SCAMP1: variants seen among roughly 807,000 people sequenced by gnomAD.
The protein encoded by SCAMP1 is secretory carrier-associated membrane protein 1.
A neutral mutation model predicts 41.8 loss-of-function variants in SCAMP1; 15 were observed. That is an observed-to-expected ratio of 0.36 (90% CI 0.24 to 0.55). The LOEUF (loss-of-function observed/expected upper bound fraction) is 0.55, where lower values mean the gene tolerates loss of function less well. Ranked by LOEUF, SCAMP1 falls within the 20% of genes least tolerant of loss-of-function variation. The pLI is 0.86. For missense variants in SCAMP1, 341 were observed against 412.6 expected (o/e 0.83, Z 1.50); for synonymous variants, 135 against 136.8 (o/e 0.99, Z 0.09).
In SCAMP1 at chr5:78,396,367, TC is replaced by T. The variant is rs1349104377; in HGVS notation, c.135+7454del. ...TGTTGGGACAGGGATATATGGAAAATCTCTGTACCTTCCTTTCCATCTTGCT... is the reference window on the plus strand; with the variant it reads ...TGTTGGGACAGGGATATATGGAAAATTCTGTACCTTCCTTTCCATCTTGCT... On this transcript the variant is annotated intron_variant, in intron 2 of 8. Transcript: ENST00000621999. Among the ~76,000 whole-genome samples the T allele has an allele frequency of 2.6e-5, 4 of 152,140 alleles. No individual in the cohort carries two copies. In the East Asian group the frequency reaches 5.8e-4, roughly 22 times the overall value.
chr5:78,451,130 A>G (rs1753215128), intron 7 of SCAMP1, among the ~76,000 whole-genome samples: 1 of 152,194 alleles, frequency 6.6e-6, no homozygotes, highest in African/African-American at 2.4e-5. Flanking sequence ...GGAAAATGCT[A>G]AAATTGAGCA....
chr5:78,398,908 C>A (rs1751730534), intron 2 of SCAMP1, among the ~76,000 whole-genome samples: 1 of 152,092 alleles, frequency 6.6e-6, no homozygotes, highest in African/African-American at 2.4e-5. Context: ...GACCTATATC[C>A]ATTATTATAA....
intron 6 of SCAMP1, among the ~76,000 whole-genome samples, chr5:78,445,832 G>T (rs554888630): frequency 9.1e-4 from 139 of 152,286 alleles, no homozygotes; most frequent in African/African-American, 3.2e-3. Flanking sequence ...CAGTAATTTG[G>T]ACAGCTCAGG....
intron 2 of SCAMP1, among the ~76,000 whole-genome samples, chr5:78,413,767 T>C (rs1364273637): frequency 3.9e-5 from 6 of 152,204 alleles, no homozygotes; most frequent in Admixed American, 2.6e-4. Flanking sequence ...ACTACAGTTA[T>C]ATCTTTGGTT....
chr5:78,472,360 G>A (rs548465439), intron 8 of SCAMP1, among the ~76,000 whole-genome samples: 97 of 152,046 alleles, frequency 6.4e-4, no homozygotes, highest in Non-Finnish European at 1.2e-3. Flanking sequence ...TCTACATTAG[G>A]TATTTCTCCT....
chr5:78,423,755 G>C (rs1752398222), intron 6 of SCAMP1, among the ~76,000 whole-genome samples: 1 of 151,804 alleles, frequency 6.6e-6, no homozygotes, highest in Non-Finnish European at 1.5e-5. Flanking sequence ...TGATCCCTAG[G>C]CTGAGTTTTT....
rs1234200811 is a variant in SCAMP1 at position 78,476,168 on chromosome 5, T to C, written c.*500T>C. ...GTTTCAGTCACCAGTGAAGAGCCTA[T>C]GTGCATTTTGTAGTAGATAATGTAA... On this transcript the variant is annotated 3_prime_UTR_variant, in exon 9 of 9. Coordinates refer to ENST00000621999, the MANE Select transcript of SCAMP1 (RefSeq NM_004866.6). 1 of 152,632 alleles carries C rather than the reference T, an allele frequency of 6.6e-6. No individual in the cohort carries two copies. The highest frequency in any genetic ancestry group is 1.5e-5 in the Non-Finnish European group (1 of 68,024). The allele number at this position is 152,632 out of a possible 1,614,324, so 9.5% of individuals were successfully genotyped here. A position where few individuals can be genotyped will look rare whatever the true frequency, so the allele number is the denominator to read the frequency against.
intron 6 of SCAMP1, among the ~76,000 whole-genome samples, chr5:78,423,380 T>C (rs930419625): frequency 2.0e-5 from 3 of 152,210 alleles, no homozygotes; most frequent in Non-Finnish European, 2.9e-5. Context: ...ATTGCTGTTA[T>C]TTTCTTCGTT....
chr5:78,381,830 G>C (rs1421650687), intron 1 of SCAMP1, among the ~76,000 whole-genome samples: 1 of 152,154 alleles, frequency 6.6e-6, no homozygotes, highest in Non-Finnish European at 1.5e-5. Context: ...AATTTATAAG[G>C]CTGGAAAAAT....
chr5:78,426,316 T>C (rs1752469630), intron 6 of SCAMP1, among the ~76,000 whole-genome samples: 1 of 152,202 alleles, frequency 6.6e-6, no homozygotes, highest in Non-Finnish European at 1.5e-5. Flanking sequence ...TACCCAGTAA[T>C]GAGATTGCTG....
At chr5:78,406,186 G>C (rs1751930486) in intron 2 of SCAMP1, among the ~76,000 whole-genome samples, 1 of 152,188 alleles carries the variant, frequency 6.6e-6, no homozygotes, top group Non-Finnish European at 1.5e-5. Context: ...TGGGGAGTTT[G>C]TTAAAAATGG....
chr5:78,434,493 A>C (rs1419635667), intron 6 of SCAMP1, among the ~76,000 whole-genome samples: 1 of 151,952 alleles, frequency 6.6e-6, no homozygotes, highest in East Asian at 1.9e-4. Context: ...ACACAGATAC[A>C]TTTACTTGGT....
intron 1 of SCAMP1, among the ~76,000 whole-genome samples, chr5:78,377,829 A>G (rs553414287): frequency 6.6e-6 from 1 of 152,278 alleles, no homozygotes; most frequent in African/African-American, 2.4e-5. Flanking sequence ...AGCACTTTAC[A>G]TGTAGTAACT....
chr5:78,451,511 T>G (rs1186130337), intron 7 of SCAMP1, among the ~76,000 whole-genome samples: 1 of 152,202 alleles, frequency 6.6e-6, no homozygotes, highest in Non-Finnish European at 1.5e-5. Flanking sequence ...ACTAATGTGT[T>G]CTTCATTTTT....
At chr5:78,457,240 C>T (rs1561285046) in intron 7 of SCAMP1, among the ~76,000 whole-genome samples, 3 of 152,190 alleles carry the variant, frequency 2.0e-5, no homozygotes, top group African/African-American at 7.2e-5. Flanking sequence ...AACTGCGTTC[C>T]TTTGGTAGAG....
intron 5 of SCAMP1, among the ~76,000 whole-genome samples, chr5:78,420,529 C>A (rs1354458408): frequency 6.6e-6 from 1 of 151,758 alleles, no homozygotes; most frequent in Non-Finnish European, 1.5e-5. Context: ...AGTTAAAAAT[C>A]CTAATGGGAC....
intron 1 of SCAMP1, among the ~76,000 whole-genome samples, chr5:78,382,174 T>G (rs1213098090): frequency 2.6e-5 from 4 of 152,196 alleles, no homozygotes. Context: ...TGCAACACTC[T>G]GTGTCTTATT....
At chr5:78,469,920 AAAAAAAAAAAAAC>A (rs1753840573) in intron 8 of SCAMP1, among the ~76,000 whole-genome samples, 9 of 18,584 alleles carry the variant, frequency 4.8e-4, no homozygotes, top group African/African-American at 2.8e-3. Context: ...AAACAAAAAA[AAAAAAAAAAAAAC>A]AACAACACAG....
intron 2 of SCAMP1, among the ~76,000 whole-genome samples, chr5:78,391,985 A>T (rs1330166162): frequency 1.3e-5 from 2 of 150,350 alleles, no homozygotes; most frequent in Non-Finnish European, 3.0e-5. Context: ...TTGGCATCAG[A>T]GGGAGACCGT....
Sources: allele counts gnomAD v4.1 joint callset (sites outside exome capture counted in the v4.1 genomes callset), GRCh38; gene constraint gnomAD v4.1.1; transcripts MANE v1.5; gene names NCBI Gene and HGNC (gene_info 2026-07-23, HGNC 2026-07-21).